The following GPAT4 variants were observed in gnomAD, a reference collection of about 807,000 sequenced individuals.
The protein encoded by GPAT4 is glycerol-3-phosphate acyltransferase 4.
GPAT4 carries 17 observed loss-of-function variants against 58.0 expected under a neutral mutation model. The observed-to-expected ratio is 0.29, with a 90% confidence interval of 0.20 to 0.44. GPAT4 has a LOEUF of 0.44. Among genes scored for constraint, GPAT4 ranks in the 20% least tolerant of loss-of-function variants. The probability of loss-of-function intolerance (pLI) is 1.00; values close to 1 mark genes in which losing one functional copy is unlikely to be tolerated. For synonymous variants in GPAT4, 204 were observed against 210.1 expected (o/e 0.97, Z 0.25); for missense variants, 377 against 574.5 (o/e 0.66, Z 3.51).
intron 9 of GPAT4, 41 bp downstream of exon 9, chr8:41,614,482 G>A: frequency 1.3e-6 from 2 of 1,586,038 alleles, no homozygotes; most frequent in Non-Finnish European, 1.7e-6. Flanking sequence ...TCTGTGGGGA[G>A]TGCAGGAGTG....
intron 1 of GPAT4, among the ~76,000 whole-genome samples, chr8:41,595,572 G>A (rs1802908311): frequency 6.6e-6 from 1 of 152,086 alleles, no homozygotes; most frequent in South Asian, 2.1e-4. Context: ...CTTACAACAA[G>A]GTGGTATTGG....
At chr8:41,587,866 C>G (rs1480888775) in intron 1 of GPAT4, among the ~76,000 whole-genome samples, 1 of 152,120 alleles carries the variant, frequency 6.6e-6, no homozygotes, top group Non-Finnish European at 1.5e-5. Flanking sequence ...GAGGTTGAAC[C>G]CTTTTTACAC....
intron 2 of GPAT4, among the ~76,000 whole-genome samples, chr8:41,603,845 AC>A (rs2150496214): frequency 6.6e-6 from 1 of 152,250 alleles, no homozygotes; most frequent in South Asian, 2.1e-4. Flanking sequence ...AGCACCAGCC[AC>A]CCCACACTGG....
chr8:41,594,150 G>A (rs1457030079), intron 1 of GPAT4, among the ~76,000 whole-genome samples: 2 of 152,134 alleles, frequency 1.3e-5, no homozygotes, highest in East Asian at 3.8e-4. Context: ...GAGCAGGTTA[G>A]TGCTTTAAGA....
At chr8:41,605,088 T>C (rs1225414825) in intron 2 of GPAT4, among the ~76,000 whole-genome samples, 2 of 152,226 alleles carry the variant, frequency 1.3e-5, no homozygotes, top group African/African-American at 4.8e-5. Context: ...GGCTCTACTT[T>C]TCCATAAGGA....
At chr8:41,601,834 T>A (rs1803108026) in intron 2 of GPAT4, among the ~76,000 whole-genome samples, 1 of 152,266 alleles carries the variant, frequency 6.6e-6, no homozygotes, top group Non-Finnish European at 1.5e-5. Context: ...ATGTAGATTA[T>A]GATACAATGG....
chr8:41,614,508 C>T, intron 9 of GPAT4, 67 bp downstream of exon 9: 2 of 1,508,688 alleles, frequency 1.3e-6, no homozygotes, highest in Admixed American at 1.8e-5. Flanking sequence ...CTGATGTTTC[C>T]TGGGAACCAA....
intron 1 of GPAT4, among the ~76,000 whole-genome samples, chr8:41,583,920 A>C (rs1444200030): frequency 6.6e-6 from 1 of 152,188 alleles, no homozygotes; most frequent in Non-Finnish European, 1.5e-5. Flanking sequence ...TTTTTAAGAC[A>C]GGGTCTTGCT....
At position 41,599,102 on chromosome 8, in the gene GPAT4, T is replaced by C. The variant is rs1563272860; in HGVS notation, c.-38T>C. 1 of 1,580,132 alleles carries C rather than the reference T, an allele frequency of 6.3e-7. No homozygotes were observed. The highest frequency in any genetic ancestry group is 8.6e-7 in the Non-Finnish European group (1 of 1,167,992). ...CCATCTGAAGGCTGCAATTTGTTCT[T>C]AGGGAGGCAGGTGCTGGCCTGGCCT... On this transcript the variant is annotated 5_prime_UTR_variant, in exon 2 of 13. Coordinates refer to ENST00000396987, the MANE Select transcript of GPAT4 (RefSeq NM_178819.4).
At chr8:41,586,252 T>C (rs917804348) in intron 1 of GPAT4, among the ~76,000 whole-genome samples, 5 of 152,260 alleles carry the variant, frequency 3.3e-5, no homozygotes, top group African/African-American at 1.2e-4. Flanking sequence ...GTATCATTTC[T>C]TCATTTTTAT....
intron 1 of GPAT4, among the ~76,000 whole-genome samples, chr8:41,592,650 T>C (rs1039319132): frequency 1.3e-5 from 2 of 152,208 alleles, no homozygotes; most frequent in Non-Finnish European, 2.9e-5. Flanking sequence ...ATTGAGAGAC[T>C]GGGCTAAATG....
chr8:41,617,909 T>C lies in GPAT4; in HGVS notation c.1054-775T>C, dbSNP rs544998177. ...GCACCCAGGTCCTCCTGTTGCTCCTTGCGCAACTTCCTCTAGAGCTTACCT... is the reference window on the plus strand; with the variant it reads ...GCACCCAGGTCCTCCTGTTGCTCCTCGCGCAACTTCCTCTAGAGCTTACCT... On this transcript the variant is annotated intron_variant, in intron 10 of 12. Transcript: ENST00000396987. Among the ~76,000 whole-genome samples the C allele has an allele frequency of 2.0e-5, 3 of 152,354 alleles. No homozygotes were observed. The South Asian group carries it at 6.2e-4, about 32-fold the overall frequency.
chr8:41,582,974 G>C (rs933645044), intron 1 of GPAT4, among the ~76,000 whole-genome samples: 1 of 152,070 alleles, frequency 6.6e-6, no homozygotes, highest in South Asian at 2.1e-4. Context: ...TGTAACCCTA[G>C]CACTTTGGGA....
At chr8:41,608,052 T>G (rs1418627492) in intron 2 of GPAT4, among the ~76,000 whole-genome samples, 1 of 152,206 alleles carries the variant, frequency 6.6e-6, no homozygotes, top group African/African-American at 2.4e-5. Context: ...AGCTCGTCTG[T>G]GCTTAGAGCC....
chr8:41,583,718 A>G (rs938186782), intron 1 of GPAT4, among the ~76,000 whole-genome samples: 4 of 152,220 alleles, frequency 2.6e-5, no homozygotes, highest in Non-Finnish European at 5.9e-5. Flanking sequence ...TGGAACATAA[A>G]GATGAAGGAA....
intron 2 of GPAT4, among the ~76,000 whole-genome samples, chr8:41,605,683 T>C (rs557061516): frequency 6.6e-6 from 1 of 152,322 alleles, no homozygotes. Flanking sequence ...CAAGTGATTC[T>C]CCTGCCTCAG....
chr8:41,592,758 GTGTT>G (rs1802828964), intron 1 of GPAT4, among the ~76,000 whole-genome samples: 1 of 152,186 alleles, frequency 6.6e-6, no homozygotes, highest in African/African-American at 2.4e-5. Flanking sequence ...GCTCAGGAGA[GTGTT>G]TGTAAACTTC....
intron 1 of GPAT4, among the ~76,000 whole-genome samples, chr8:41,588,710 T>A (rs1351829560): frequency 6.6e-6 from 1 of 152,202 alleles, no homozygotes; most frequent in Non-Finnish European, 1.5e-5. Context: ...CAGTGAGTAT[T>A]TGTTGAATGA....
intron 4 of GPAT4, 59 bp downstream of exon 4, chr8:41,610,014 C>G: frequency 6.5e-7 from 1 of 1,541,012 alleles, no homozygotes; most frequent in Non-Finnish European, 8.7e-7. Flanking sequence ...GTGCACAGCC[C>G]ACCTGCCTGC....
Sources: gnomAD v4.1 joint callset for allele counts (sites outside exome capture counted in the v4.1 genomes callset) on GRCh38, gnomAD v4.1.1 for gene constraint, MANE v1.5 for transcripts, NCBI Gene and HGNC (gene_info 2026-07-23, HGNC 2026-07-21) for gene names.